Variants in EPHA6 observed in about 807,000 individuals in gnomAD.
The protein encoded by EPHA6 is ephrin type-A receptor 6.
A neutral mutation model predicts 112.0 loss-of-function variants in EPHA6; 50 were observed. That is an observed-to-expected ratio of 0.45 (90% CI 0.36 to 0.56). The LOEUF (loss-of-function observed/expected upper bound fraction) is 0.56, where lower values mean the gene tolerates loss of function less well. Among genes scored for constraint, EPHA6 ranks in the 20% least tolerant of loss-of-function variants. The pLI is 0.00. For missense variants in EPHA6, 1,280 were observed against 1,417.4 expected (o/e 0.90, Z 1.56); for synonymous variants, 529 against 490.7 (o/e 1.08, Z -1.03).
intron 1 of EPHA6, among the ~76,000 whole-genome samples, chr3:96,838,777 G>A (rs774884054): frequency 5.2e-4 from 79 of 151,978 alleles, no homozygotes; most frequent in Non-Finnish European, 8.1e-4. Flanking sequence ...TAAAGAAGAG[G>A]TCACACTGCA....
intron 2 of EPHA6, among the ~76,000 whole-genome samples, chr3:96,927,057 C>G (rs984120863): frequency 6.6e-6 from 1 of 152,234 alleles, no homozygotes; most frequent in African/African-American, 2.4e-5. Flanking sequence ...CATACATTCT[C>G]TGAAATGCAG....
intron 2 of EPHA6, among the ~76,000 whole-genome samples, chr3:96,972,377 A>G (rs2042346143): frequency 6.6e-6 from 1 of 151,876 alleles, no homozygotes; most frequent in African/African-American, 2.4e-5. Context: ...ACAAAAATCA[A>G]TACAGAAAAG....
chr3:96,898,365 G>T (rs1010282924), intron 2 of EPHA6, among the ~76,000 whole-genome samples: 1 of 152,108 alleles, frequency 6.6e-6, no homozygotes, highest in South Asian at 2.1e-4. Flanking sequence ...AAAACATAGC[G>T]AATAGAAGAA....
chr3:97,463,657 G>A (rs1052091431), intron 7 of EPHA6, among the ~76,000 whole-genome samples: 1 of 152,080 alleles, frequency 6.6e-6, no homozygotes, highest in Non-Finnish European at 1.5e-5. Context: ...TTGTTTGTTT[G>A]TAAATGACAT....
At chr3:96,995,224 G>A (rs534566670) in intron 3 of EPHA6, among the ~76,000 whole-genome samples, 1 of 152,036 alleles carries the variant, frequency 6.6e-6, no homozygotes, top group African/African-American at 2.4e-5. Flanking sequence ...TATCAGAGAT[G>A]ACTGTGCAAG....
chr3:97,547,568 G>A (rs537642427), intron 11 of EPHA6, among the ~76,000 whole-genome samples: 1 of 152,320 alleles, frequency 6.6e-6, no homozygotes, highest in South Asian at 2.1e-4. Flanking sequence ...TGCGTGCTGG[G>A]AGAACCACTA....
intron 2 of EPHA6, among the ~76,000 whole-genome samples, chr3:96,908,474 A>C (rs1416171827): frequency 6.6e-6 from 1 of 151,866 alleles, no homozygotes; most frequent in African/African-American, 2.4e-5. Flanking sequence ...ATTTTATGTC[A>C]TATACTTCTC....
chr3:97,379,189 C>T (rs569474692), intron 5 of EPHA6, among the ~76,000 whole-genome samples: 1 of 152,204 alleles, frequency 6.6e-6, no homozygotes, highest in East Asian at 1.9e-4. Flanking sequence ...GCATCTTCCT[C>T]ATTTTTTCTT....
intron 6 of EPHA6, among the ~76,000 whole-genome samples, chr3:97,411,631 T>C (rs2087723170): frequency 1.3e-5 from 2 of 152,064 alleles, no homozygotes; most frequent in South Asian, 4.1e-4. Context: ...GAATATGCTA[T>C]AGGGGAAAAG....
intron 3 of EPHA6, among the ~76,000 whole-genome samples, chr3:97,072,417 T>A (rs2046389151): frequency 6.6e-6 from 1 of 152,022 alleles, no homozygotes; most frequent in Non-Finnish European, 1.5e-5. Flanking sequence ...TGAAGACACA[T>A]GAAGAACATC....
At chr3:97,216,823 T>C (rs1460018474) in intron 3 of EPHA6, among the ~76,000 whole-genome samples, 1 of 152,196 alleles carries the variant, frequency 6.6e-6, no homozygotes, top group Non-Finnish European at 1.5e-5. Context: ...TTTAAATATG[T>C]ATTTGAGAAA....
intron 5 of EPHA6, among the ~76,000 whole-genome samples, chr3:97,336,424 A>G (rs926829421): frequency 6.6e-6 from 1 of 152,174 alleles, no homozygotes; most frequent in African/African-American, 2.4e-5. Context: ...TTCTGCTGTC[A>G]TTATGTGGAG....
intron 3 of EPHA6, among the ~76,000 whole-genome samples, chr3:97,224,978 C>T (rs776972916): frequency 3.5e-4 from 53 of 151,570 alleles, no homozygotes; most frequent in Non-Finnish European, 2.8e-4. Flanking sequence ...TGTTTTGAGA[C>T]GGAGTCTCGC....
chr3:97,046,177 T>C (rs1386443700), intron 3 of EPHA6, among the ~76,000 whole-genome samples: 1 of 152,096 alleles, frequency 6.6e-6, no homozygotes, highest in Non-Finnish European at 1.5e-5. Context: ...GACATCATAG[T>C]CCTAAAGAAA....
chr3:97,538,779 C>T (rs1330589514), intron 11 of EPHA6, among the ~76,000 whole-genome samples: 1 of 152,126 alleles, frequency 6.6e-6, no homozygotes, highest in African/African-American at 2.4e-5. Context: ...GCTCATGAAG[C>T]ATATCATGGG....
chr3:97,094,870 T>C (rs1396584941), intron 3 of EPHA6, among the ~76,000 whole-genome samples: 1 of 151,842 alleles, frequency 6.6e-6, no homozygotes, highest in Non-Finnish European at 1.5e-5. Context: ...TAAATAAATG[T>C]GATGTAACAA....
chr3:97,668,147 TGA>T (rs1275703122), intron 14 of EPHA6, among the ~76,000 whole-genome samples: 1 of 152,208 alleles, frequency 6.6e-6, no homozygotes, highest in African/African-American at 2.4e-5. Context: ...TTGAGATGGC[TGA>T]GAGTTACCAA....
chr3:97,056,298 G>A lies in EPHA6; in HGVS notation c.1114+68305G>A, dbSNP rs567766158. ...CATACTTATTCATACTGCCCCCTTC[G>A]CTCTCAAGTATCCTGGTTTAGATAA... On this transcript the variant is annotated intron_variant, in intron 3 of 17. Coordinates refer to ENST00000389672, the MANE Select transcript of EPHA6 (RefSeq NM_001080448.3). Among the ~76,000 whole-genome samples the A allele has an allele frequency of 2.6e-5, 4 of 152,108 alleles. No homozygotes were observed. The South Asian group carries it at 6.2e-4, about 24-fold the overall frequency.
At chr3:97,574,817 C>A (rs2093367484) in intron 11 of EPHA6, among the ~76,000 whole-genome samples, 1 of 151,478 alleles carries the variant, frequency 6.6e-6, no homozygotes, top group African/African-American at 2.4e-5. Flanking sequence ...TAATTAAAAC[C>A]AAAATTAAAC....
Sources: allele counts gnomAD v4.1 joint callset (sites outside exome capture counted in the v4.1 genomes callset), GRCh38; gene constraint gnomAD v4.1.1; transcripts MANE v1.5; gene names NCBI Gene and HGNC (gene_info 2026-07-23, HGNC 2026-07-21).